The following HSPBAP1 variants were observed in gnomAD, a reference collection of about 807,000 sequenced individuals.
The protein encoded by HSPBAP1 is HSPB1-associated protein 1.
HSPBAP1 carries 27 observed loss-of-function variants against 45.2 expected under a neutral mutation model. That is an observed-to-expected ratio of 0.60 (90% CI 0.44 to 0.82). HSPBAP1 has a LOEUF of 0.82. Ranked by LOEUF, HSPBAP1 falls within the 40% of genes least tolerant of loss-of-function variation. The pLI is 0.00. For missense variants in HSPBAP1, 510 were observed against 590.9 expected, an observed-to-expected ratio of 0.86 and a Z score of 1.42; for synonymous variants, 204 against 202.7, an observed-to-expected ratio of 1.01 and a Z score of -0.06.
At chr3:122,761,005 G>A (rs75453347) in intron 3 of HSPBAP1, among the ~76,000 whole-genome samples, 7,683 of 152,192 alleles carry the variant, frequency 0.05, 264 homozygotes, top group Middle Eastern at 0.11. Flanking sequence ...TGTAACAAGC[G>A]CTCTGACACA....
intron 3 of HSPBAP1, 80 bp from the exon 4 acceptor site, chr3:122,759,440 A>G: frequency 7.2e-7 from 1 of 1,395,088 alleles, no homozygotes; most frequent in South Asian, 1.2e-5. Flanking sequence ...TCACTTGCAC[A>G]TCTGTTATTT....
In HSPBAP1 at chr3:122,793,708, A is replaced by G; in HGVS notation, c.-28T>C. Reference sequence around the variant, plus strand: ...CTACCGCAAGGCGGGTTCTGCCGGAACCCAAGGCGGAGCGGAGCTGGGGTG... The same window carrying G: ...CTACCGCAAGGCGGGTTCTGCCGGAGCCCAAGGCGGAGCGGAGCTGGGGTG... On this transcript the variant is annotated 5_prime_UTR_variant, in exon 1 of 8. Transcript: ENST00000306103. 4 of 1,611,770 alleles carry G rather than the reference A, an allele frequency of 2.5e-6. No individual in the cohort carries two copies. Among genetic ancestry groups the G allele is most frequent in the South Asian group, 2.2e-5 (2 of 91,018 alleles).
At chr3:122,769,095 C>T (rs1934889728) in intron 2 of HSPBAP1, among the ~76,000 whole-genome samples, 1 of 151,740 alleles carries the variant, frequency 6.6e-6, no homozygotes, top group South Asian at 2.1e-4. Flanking sequence ...AATTTGAGAC[C>T]AGTCTGTGCA....
chr3:122,744,279 G>A (rs6438763), intron 6 of HSPBAP1, among the ~76,000 whole-genome samples: 134,907 of 152,198 alleles, frequency 0.89, 59,802 homozygotes, highest in East Asian at 0.98. Context: ...AGAAGAAATG[G>A]ATCCTGCACC....
chr3:122,773,144 CCATGCCACAATCTTCA>C (rs1935060710), intron 2 of HSPBAP1, among the ~76,000 whole-genome samples: 2 of 151,830 alleles, frequency 1.3e-5, no homozygotes, highest in Non-Finnish European at 2.9e-5. Context: ...AGTCACTGTG[CCATGCCACAATCTTCA>C]TAATATATAT....
chr3:122,793,064 G>T (rs1442499894), intron 1 of HSPBAP1, among the ~76,000 whole-genome samples: 1 of 152,044 alleles, frequency 6.6e-6, no homozygotes, highest in Non-Finnish European at 1.5e-5. Flanking sequence ...CTTTGGAAAA[G>T]GTATTGTTAT....
chr3:122,768,588 A>G lies in HSPBAP1; in HGVS notation c.432+113T>C, dbSNP rs79346298. On this transcript the variant is annotated intron_variant, in intron 3 of 7. Coordinates refer to ENST00000306103, the MANE Select transcript of HSPBAP1 (RefSeq NM_024610.6). ...TGAGTGGGTGAAATATCCAAGATTCATGGCGATTACTTATGAGAGAAAAAG... is the reference window on the plus strand; with the variant it reads ...TGAGTGGGTGAAATATCCAAGATTCGTGGCGATTACTTATGAGAGAAAAAG... 9.8e-3 allele frequency: 6,800 copies of G among 691,214 alleles called. 157 individuals carry two copies. Among genetic ancestry groups the G allele is most frequent in the African/African-American group, 0.072 (4,038 of 55,698 alleles). 42.8% of individuals were successfully genotyped at this position (691,214 alleles called of 1,614,324 possible).
intron 3 of HSPBAP1, among the ~76,000 whole-genome samples, chr3:122,766,053 C>A (rs1576255614): frequency 1.3e-5 from 2 of 152,272 alleles, no homozygotes; most frequent in East Asian, 3.9e-4. Context: ...ATTGCAACAG[C>A]TTGAATGGAG....
At chr3:122,750,254 T>C (rs1262559308) in intron 6 of HSPBAP1, among the ~76,000 whole-genome samples, 1 of 152,208 alleles carries the variant, frequency 6.6e-6, no homozygotes, top group African/African-American at 2.4e-5. Context: ...ATTACAGGCG[T>C]AAGCCACCGT....
chr3:122,775,444 T>C (rs181887385), intron 2 of HSPBAP1, among the ~76,000 whole-genome samples: 1 of 152,320 alleles, frequency 6.6e-6, no homozygotes, highest in Admixed American at 6.5e-5. Context: ...ATAATAATAC[T>C]TCCCATACAC....
At chr3:122,771,540 T>C (rs930564911) in intron 2 of HSPBAP1, among the ~76,000 whole-genome samples, 1 of 152,234 alleles carries the variant, frequency 6.6e-6, no homozygotes, top group Non-Finnish European at 1.5e-5. Context: ...TATTTCTCCA[T>C]TTTGTTAAAC....
chr3:122,743,561 T>C (rs68102479), intron 6 of HSPBAP1, among the ~76,000 whole-genome samples: 24,703 of 151,130 alleles, frequency 0.16, 2,077 homozygotes, highest in African/African-American at 0.2. Context: ...AGCGAAACTT[T>C]GTCTCAAACA....
intron 2 of HSPBAP1, among the ~76,000 whole-genome samples, chr3:122,773,312 T>G (rs1432608101): frequency 1.4e-5 from 2 of 142,634 alleles, no homozygotes; most frequent in African/African-American, 5.2e-5. Context: ...TGTTTTTTTT[T>G]TTTTTTTTTT....
intron 1 of HSPBAP1, among the ~76,000 whole-genome samples, chr3:122,788,057 C>T (rs1402639198): frequency 6.6e-6 from 1 of 152,182 alleles, no homozygotes; most frequent in Non-Finnish European, 1.5e-5. Context: ...CTAGCCTTAT[C>T]AATACCAATG....
intron 5 of HSPBAP1, chr3:122,753,431 A>C (rs1334418283): frequency 1.0e-6 from 1 of 981,834 alleles, no homozygotes; most frequent in Admixed American, 6.2e-5. Context: ...GTTGTTGAGA[A>C]ATTCTAAGTA....
chr3:122,768,187 C>G (rs1934854349), intron 3 of HSPBAP1, among the ~76,000 whole-genome samples: 1 of 152,204 alleles, frequency 6.6e-6, no homozygotes, highest in African/African-American at 2.4e-5. Context: ...CACACTTCTA[C>G]AGGGCTTCCA....
chr3:122,761,885 T>C (rs983223831), intron 3 of HSPBAP1: 1 of 151,944 alleles, frequency 6.6e-6, no homozygotes, highest in African/African-American at 2.4e-5. Context: ...CAGCCACTTA[T>C]GGGTAGTCAA....
intron 1 of HSPBAP1, among the ~76,000 whole-genome samples, chr3:122,793,238 C>T (rs1935891641): frequency 6.6e-6 from 1 of 152,184 alleles, no homozygotes; most frequent in Admixed American, 6.5e-5. Flanking sequence ...AGCGCATAAT[C>T]CCTGTTCACA....
At chr3:122,758,999 T>TGACAAGG in intron 4 of HSPBAP1, 2 of 536,120 alleles carry the variant, frequency 3.7e-6, no homozygotes, top group Non-Finnish European at 6.5e-6. Flanking sequence ...ATCCTGATCA[T>TGACAAGG]GACAAGGCAC....
Sources: gnomAD v4.1 joint callset for allele counts (sites outside exome capture counted in the v4.1 genomes callset) on GRCh38, gnomAD v4.1.1 for gene constraint, MANE v1.5 for transcripts, NCBI Gene and HGNC (gene_info 2026-07-23, HGNC 2026-07-21) for gene names.